Variants in MLIP observed in about 807,000 individuals in gnomAD.
The protein encoded by MLIP is muscular LMNA interacting protein, also known as muscular LMNA-interacting protein.
A neutral mutation model predicts 84.8 loss-of-function variants in MLIP; 79 were observed. That is an observed-to-expected ratio of 0.93 (90% CI 0.78 to 1.12). MLIP has a LOEUF of 1.12. MLIP is among the 50% of genes most tolerant of loss of function. The pLI, the probability that MLIP is intolerant of heterozygous loss-of-function variation, is 0.00. For missense variants in MLIP, 1,257 were observed against 1,160.6 expected, an observed-to-expected ratio of 1.08 and a Z score of -1.21; for synonymous variants, 504 against 463.0, an observed-to-expected ratio of 1.09 and a Z score of -1.14.
chr6:54,210,746 ATG>A (rs1779395059), intron 11 of MLIP, among the ~76,000 whole-genome samples: 1 of 149,804 alleles, frequency 6.7e-6, no homozygotes, highest in African/African-American at 2.5e-5. Context: ...AAAAAAAAAA[ATG>A]TTCTAATGTT....
At chr6:54,215,097 C>A in intron 11 of MLIP, 1 of 1,414,228 alleles carries the variant, frequency 7.1e-7, no homozygotes, top group Non-Finnish European at 9.6e-7. Context: ...CTTTTCTACA[C>A]GCTGTGTACT....
chr6:54,058,445 A>T (rs1254504667), intron 1 of MLIP, among the ~76,000 whole-genome samples: 1 of 152,212 alleles, frequency 6.6e-6, no homozygotes, highest in African/African-American at 2.4e-5. Flanking sequence ...ACAGGGTTGC[A>T]TCTGTCTGGA....
chr6:54,083,682 A>G, intron 1 of MLIP: 1 of 1,485,600 alleles, frequency 6.7e-7, no homozygotes, highest in Admixed American at 2.0e-5. Flanking sequence ...TTTAACATCA[A>G]TGATAGCTGT....
chr6:54,190,705 T>A (rs1777821838), intron 10 of MLIP, among the ~76,000 whole-genome samples: 1 of 152,156 alleles, frequency 6.6e-6, no homozygotes, highest in Non-Finnish European at 1.5e-5. Context: ...AATTATTTTA[T>A]CTTATAGAGT....
intron 9 of MLIP, among the ~76,000 whole-genome samples, chr6:54,183,014 A>G (rs1415324082): frequency 1.3e-5 from 2 of 152,356 alleles, no homozygotes; most frequent in Middle Eastern, 3.4e-3. Context: ...ATGTCATTAC[A>G]ATGGAAGCAT....
chr6:54,251,508 G>A (rs1782485881), intron 12 of MLIP, among the ~76,000 whole-genome samples: 1 of 103,852 alleles, frequency 9.6e-6, no homozygotes, highest in Non-Finnish European at 1.8e-5. Context: ...ATATAATCAG[G>A]AATATATAGG....
intron 1 of MLIP, among the ~76,000 whole-genome samples, chr6:54,037,356 A>T (rs1764502989): frequency 6.6e-6 from 1 of 151,890 alleles, no homozygotes; most frequent in African/African-American, 2.4e-5. Context: ...CAATCAAATA[A>T]GTCCATATAT....
At chr6:54,090,976 A>G (rs1169396802) in intron 1 of MLIP, among the ~76,000 whole-genome samples, 1 of 152,098 alleles carries the variant, frequency 6.6e-6, no homozygotes, top group Non-Finnish European at 1.5e-5. Context: ...GTGTTTCTCA[A>G]CCTTAATAAT....
At chr6:54,149,246 T>G in intron 5 of MLIP, 119 bp downstream of exon 5, 1 of 872,494 alleles carries the variant, frequency 1.1e-6, no homozygotes, top group Non-Finnish European at 1.8e-6. Context: ...AAAATAACAT[T>G]CCATTCTTAG....
intron 12 of MLIP, among the ~76,000 whole-genome samples, chr6:54,231,651 C>T (rs1781012250): frequency 6.6e-6 from 1 of 152,154 alleles, no homozygotes; most frequent in South Asian, 2.1e-4. Context: ...TACAGATGCT[C>T]AGACCCTGAA....
intron 13 of MLIP, 101 bp downstream of exon 13, chr6:54,257,462 T>C: frequency 1.2e-6 from 1 of 858,040 alleles, no homozygotes; most frequent in Non-Finnish European, 1.8e-6. Context: ...TGTGCTTTTA[T>C]AACAAAAGAA....
intron 11 of MLIP, among the ~76,000 whole-genome samples, chr6:54,224,632 A>G (rs1780451998): frequency 6.6e-6 from 1 of 152,098 alleles, no homozygotes; most frequent in African/African-American, 2.4e-5. Context: ...GTATTTGGTT[A>G]CATGAGTAAG....
intron 5 of MLIP, 72 bp downstream of exon 5, chr6:54,149,199 G>A: frequency 3.7e-6 from 5 of 1,367,210 alleles, no homozygotes; most frequent in Non-Finnish European, 4.1e-6. Context: ...TAAAATTTCT[G>A]TTGGGAAGAT....
chr6:54,203,452 A>C (rs1168168543), intron 11 of MLIP, among the ~76,000 whole-genome samples: 4 of 151,832 alleles, frequency 2.6e-5, no homozygotes, highest in Non-Finnish European at 5.9e-5. Flanking sequence ...AACTAACAAT[A>C]TTCTTGAAAA....
chr6:54,254,239 G>T (rs1782839133), intron 12 of MLIP, among the ~76,000 whole-genome samples: 1 of 150,696 alleles, frequency 6.6e-6, no homozygotes, highest in Admixed American at 6.7e-5. Context: ...CAATTCTCCT[G>T]CCTCAGCCTC....
At chr6:54,178,759 T>C (rs187890001) in intron 9 of MLIP, among the ~76,000 whole-genome samples, 1 of 152,172 alleles carries the variant, frequency 6.6e-6, no homozygotes, top group East Asian at 1.9e-4. Context: ...AGAAGATGCT[T>C]GATATTATTT....
chr6:54,045,906 C>T (rs904858925), intron 1 of MLIP: 4 of 152,156 alleles, frequency 2.6e-5, no homozygotes, highest in African/African-American at 9.7e-5. Context: ...AGTGCAAGAA[C>T]GAGAACTGTG....
chr6:54,170,653 C>G (rs532647041), intron 9 of MLIP, among the ~76,000 whole-genome samples: 1 of 151,534 alleles, frequency 6.6e-6, no homozygotes, highest in Non-Finnish European at 1.5e-5. Context: ...ACCATTTTAC[C>G]TTTCTGTGCC....
At chr6:54,048,403 T>C (rs1765190252) in intron 1 of MLIP, among the ~76,000 whole-genome samples, 2 of 152,082 alleles carry the variant, frequency 1.3e-5, no homozygotes, top group African/African-American at 4.8e-5. Context: ...GGGGAGAATG[T>C]GCATTTTGAG....
Sources: gnomAD v4.1 joint callset for allele counts (sites outside exome capture counted in the v4.1 genomes callset) on GRCh38, gnomAD v4.1.1 for gene constraint, MANE v1.5 for transcripts, NCBI Gene and HGNC (gene_info 2026-07-23, HGNC 2026-07-21) for gene names.